The following PRKN variants were observed in gnomAD, a reference collection of about 807,000 sequenced individuals.
The protein encoded by PRKN is parkin RBR E3 ubiquitin protein ligase, also known as E3 ubiquitin-protein ligase parkin.
A neutral mutation model predicts 59.5 loss-of-function variants in PRKN; 56 were observed. The observed-to-expected ratio is 0.94, with a 90% CI of 0.76 to 1.18. The LOEUF (loss-of-function observed/expected upper bound fraction) is 1.18. Among genes scored for constraint, PRKN ranks in the 50% most tolerant of loss-of-function variants. The pLI, the probability that PRKN is intolerant of heterozygous loss-of-function variation, is 0.00. For synonymous variants in PRKN, 250 were observed against 222.1 expected, an observed-to-expected ratio of 1.13 and a Z score of -1.12; for missense variants, 657 against 596.4, an observed-to-expected ratio of 1.10 and a Z score of -1.06.
intron 8 of PRKN, among the ~76,000 whole-genome samples, chr6:161,569,039 G>A (rs867779695): frequency 3.3e-5 from 5 of 151,680 alleles, no homozygotes; most frequent in African/African-American, 4.8e-5. Flanking sequence ...TATGACCATC[G>A]ATCCCTCAGG....
chr6:161,883,774 T>C (rs1795031709), intron 6 of PRKN, among the ~76,000 whole-genome samples: 1 of 152,058 alleles, frequency 6.6e-6, no homozygotes, highest in African/African-American at 2.4e-5. Context: ...TGCCTCAGCC[T>C]CCCAAGTAGC....
chr6:161,540,112 A>G (rs1045153859), intron 9 of PRKN, among the ~76,000 whole-genome samples: 44 of 152,154 alleles, frequency 2.9e-4, no homozygotes, highest in African/African-American at 9.9e-4. Flanking sequence ...GACTGGACCC[A>G]AGCACTACAT....
intron 2 of PRKN, among the ~76,000 whole-genome samples, chr6:162,325,609 A>G (rs12193134): frequency 5.3e-4 from 81 of 152,262 alleles, no homozygotes; most frequent in Non-Finnish European, 1.0e-3. Flanking sequence ...AGTCTGCAGC[A>G]CAGTCCTGCA....
At chr6:162,269,600 G>A (rs1015584082) in intron 2 of PRKN, 38 of 152,280 alleles carry the variant, frequency 2.5e-4, no homozygotes, top group African/African-American at 7.7e-4. Context: ...TATACTCATT[G>A]GCATACTTAC....
In PRKN at chr6:162,054,156, C is replaced by A. The variant is rs766731978; in HGVS notation, c.553G>T (p.Asp185Tyr). Reference sequence around the variant, plus strand: ...CTCATCCGGTTTGGAATTAAAACATCATCCCAGCAAGATGGACCCTTTGGG... The same window carrying A: ...CTCATCCGGTTTGGAATTAAAACATAATCCCAGCAAGATGGACCCTTTGGG... ...TLTQGPSCWD[D>Y]VLIPNRMSGE... is the part of the protein sequence containing the mutation. Residue 185 changes from aspartate (D) to tyrosine (Y), a missense_variant, in exon 5 of 12, where the codon GAT (aspartate) becomes TAT (tyrosine). Physicochemically the swap from Asp to Tyr is radical, Grantham distance 160. Transcript: ENST00000366898. 6 of 1,612,748 alleles carry A rather than the reference C, an allele frequency of 3.7e-6. No homozygotes were observed. The highest frequency in any genetic ancestry group is 8.5e-7 in the Non-Finnish European group (1 of 1,178,840).
Position 161,349,978 on chromosome 6 carries a change from T to C in PRKN, c.*121A>G. On this transcript the variant is annotated 3_prime_UTR_variant, in exon 12 of 12. Coordinates refer to ENST00000366898, the MANE Select transcript of PRKN (RefSeq NM_004562.3). This position sits in a 1 kb window ranked among gnomAD's most constrained non-coding sequence, Gnocchi z 5.5. ...CTGTAGTTGGACTTTGAAAAAAACT[T>C]GAAGAGTGTGTGTGCGCGCGCGCGC... 1 of 734,874 alleles carries C rather than the reference T, an allele frequency of 1.4e-6. No homozygotes were observed. The highest frequency in any genetic ancestry group is 3.4e-4 in the Middle Eastern group (1 of 2,908). 45.5% of individuals were successfully genotyped at this position (734,874 alleles called of 1,614,324 possible).
At chr6:162,013,299 C>A (rs1782807199) in intron 5 of PRKN, among the ~76,000 whole-genome samples, 1 of 152,058 alleles carries the variant, frequency 6.6e-6, no homozygotes, top group South Asian at 2.1e-4. Flanking sequence ...AATGGGAGCC[C>A]TCTGAAGCTA....
intron 2 of PRKN, among the ~76,000 whole-genome samples, chr6:162,442,399 G>C (rs1170749361): frequency 6.6e-6 from 1 of 152,190 alleles, no homozygotes; most frequent in Non-Finnish European, 1.5e-5. Flanking sequence ...CAGTCACAGG[G>C]ACCATTCCCA....
rs575604254 is a variant in PRKN, at chr6:161,873,936, T to C, written c.735-88028A>G. 4.6e-4 allele frequency among the ~76,000 whole-genome samples: 54 copies of C among 117,734 alleles called. 4 individuals are homozygous for C. Among genetic ancestry groups the C allele is most frequent in the African/African-American group, 2.0e-3 (53 of 26,114 alleles). 77.2% of individuals were successfully genotyped at this position (117,734 alleles called of 152,430 possible). ...ATATAAATATATAAAATATATAATATATATAAAAGAAATATATATTATATG... is the reference window on the plus strand; with the variant it reads ...ATATAAATATATAAAATATATAATACATATAAAAGAAATATATATTATATG... On this transcript the variant is annotated intron_variant, in intron 6 of 11. Transcript: ENST00000366898.
At chr6:161,773,835 G>A (rs966828790) in intron 7 of PRKN, among the ~76,000 whole-genome samples, 2 of 152,150 alleles carry the variant, frequency 1.3e-5, no homozygotes, top group African/African-American at 2.4e-5. Context: ...AAAAGAAGAA[G>A]AAGAAGGGGA....
At chr6:161,952,937 T>C (rs893130133) in intron 6 of PRKN, among the ~76,000 whole-genome samples, 2 of 152,022 alleles carry the variant, frequency 1.3e-5, no homozygotes, top group Non-Finnish European at 2.9e-5. Context: ...ACGACGTGAG[T>C]CAATCAAGTT....
chr6:161,652,116 T>G (rs1582949343), intron 7 of PRKN, among the ~76,000 whole-genome samples: 1 of 152,374 alleles, frequency 6.6e-6, no homozygotes, highest in Non-Finnish European at 1.5e-5. Context: ...GGTTTCATAG[T>G]GCAGCACTTT....
At chr6:161,506,673 G>C (rs1302339283) in intron 9 of PRKN, among the ~76,000 whole-genome samples, 1 of 152,152 alleles carries the variant, frequency 6.6e-6, no homozygotes, top group African/African-American at 2.4e-5. Flanking sequence ...GGAGTGGCAG[G>C]TGGCTGTGGG....
At chr6:161,647,916 G>T (rs1044989585) in intron 7 of PRKN, among the ~76,000 whole-genome samples, 1 of 152,166 alleles carries the variant, frequency 6.6e-6, no homozygotes, top group Non-Finnish European at 1.5e-5. Context: ...ATATTTTCGT[G>T]CTTCTGAGAA....
At position 162,085,920 on chromosome 6, in the gene PRKN, T is replaced by A. The variant is rs186304791; in HGVS notation, c.535-31746A>T. On this transcript the variant is annotated intron_variant, in intron 4 of 11. Coordinates refer to ENST00000366898, the MANE Select transcript of PRKN (RefSeq NM_004562.3). ...AAGCAACATAAAGTATCAAAGATGGTTCTGATCAAGTCATGTAACAGTGCC... is the reference window on the plus strand; with the variant it reads ...AAGCAACATAAAGTATCAAAGATGGATCTGATCAAGTCATGTAACAGTGCC... Among the ~76,000 whole-genome samples the A allele has an allele frequency of 4.6e-3, 694 of 151,536 alleles. 5 individuals carry two copies. Among genetic ancestry groups the A allele is most frequent in the Non-Finnish European group, 7.0e-3 (477 of 68,016 alleles).
At chr6:162,552,857 G>A (rs1322054848) in intron 1 of PRKN, among the ~76,000 whole-genome samples, 1 of 152,092 alleles carries the variant, frequency 6.6e-6, no homozygotes, top group Admixed American at 6.6e-5. Flanking sequence ...GGCTCAAAAC[G>A]CTAAGCAGAA....
At chr6:162,011,235 A>ACT (rs1562458427) in intron 5 of PRKN, among the ~76,000 whole-genome samples, 2 of 2,488 alleles carry the variant, frequency 8.0e-4, no homozygotes, top group East Asian at 5.6e-3. Flanking sequence ...TATAATATAT[A>ACT]ATTTATAATA....
At chr6:162,049,182 TATTA>T (rs1023558016) in intron 5 of PRKN, among the ~76,000 whole-genome samples, 34 of 152,104 alleles carry the variant, frequency 2.2e-4, no homozygotes, top group Admixed American at 2.1e-3. Flanking sequence ...AGGGTATAAA[TATTA>T]ATTAATTAAG....
chr6:162,318,355 C>A (rs955696447), intron 2 of PRKN, among the ~76,000 whole-genome samples: 3 of 152,056 alleles, frequency 2.0e-5, no homozygotes, highest in African/African-American at 7.2e-5. Context: ...TATATACATA[C>A]ATACCACATT....
Sources: allele counts gnomAD v4.1 joint callset (sites outside exome capture counted in the v4.1 genomes callset), GRCh38; gene constraint gnomAD v4.1.1; non-coding constraint Gnocchi (gnomAD v3.1); transcripts MANE v1.5; gene names NCBI Gene and HGNC (gene_info 2026-07-23, HGNC 2026-07-21).